The following DPP6 variants were observed in gnomAD, a reference collection of about 807,000 sequenced individuals.
DPP6 encodes the protein dipeptidyl peptidase like 6.
Under a neutral mutation model 122.6 loss-of-function variants are expected in DPP6, and 69 were observed. That is an observed-to-expected ratio of 0.56 (90% CI 0.46 to 0.69). The LOEUF is 0.69. Among genes scored for constraint, DPP6 ranks in the 30% least tolerant of loss-of-function variants. DPP6 has a pLI of 0.00. For synonymous variants in DPP6, 418 were observed against 433.1 expected (o/e 0.97, Z 0.43); for missense variants, 928 against 1,116.9 (o/e 0.83, Z 2.41).
intron 1 of DPP6, among the ~76,000 whole-genome samples, chr7:154,199,454 CTTT>C (rs1419391394): frequency 6.6e-6 from 1 of 152,102 alleles, no homozygotes; most frequent in Non-Finnish European, 1.5e-5. Context: ...GCTTAAGGGA[CTTT>C]GGGCAAACTT....
intron 1 of DPP6, among the ~76,000 whole-genome samples, chr7:154,279,645 G>T (rs538465342): frequency 3.9e-5 from 6 of 152,290 alleles, no homozygotes; most frequent in Admixed American, 3.3e-4. Context: ...TTTGATTTTT[G>T]AACCCAGTTG....
chr7:153,867,434 T>C, the DPP6 span, among the ~76,000 whole-genome samples: 71 of 152,334 alleles, frequency 4.7e-4, no homozygotes, highest in African/African-American at 1.5e-3. Context: ...AGTTCACTCA[T>C]GATTTGGCCC....
At chr7:154,387,185 G>A (rs975825357) in intron 1 of DPP6, among the ~76,000 whole-genome samples, 4 of 152,146 alleles carry the variant, frequency 2.6e-5, no homozygotes, top group Non-Finnish European at 5.9e-5. Context: ...AAATTCTGAA[G>A]TGACCTACAT....
Position 154,061,569 on chromosome 7 carries a change from G to C in DPP6, c.243+8506G>C, listed in dbSNP as rs536774839. Among the ~76,000 whole-genome samples, 961 of 146,332 alleles carry C rather than the reference G, an allele frequency of 6.6e-3. 1 individual carries two copies. The highest frequency in any genetic ancestry group is 0.023 in the African/African-American group (917 of 39,474). ...CATAAAGGCCCCCCATTTTGTGATG[G>C]CTGAGATCCATCCCCTCTTCCCCCC... On this transcript the variant is annotated intron_variant, in intron 1 of 25. Coordinates refer to ENST00000377770, the MANE Select transcript of DPP6 (RefSeq NM_130797.4).
chr7:154,394,251 TTC>T (rs1310165361), intron 1 of DPP6, among the ~76,000 whole-genome samples: 3 of 152,148 alleles, frequency 2.0e-5, no homozygotes, highest in Non-Finnish European at 4.4e-5. Flanking sequence ...CTAACTTATT[TTC>T]TGTTTGTTTG....
chr7:154,125,113 G>A (rs1807781551), intron 1 of DPP6, among the ~76,000 whole-genome samples: 2 of 152,184 alleles, frequency 1.3e-5, no homozygotes, highest in South Asian at 4.1e-4. Context: ...ACATCACTAG[G>A]AACCGTTTAC....
At chr7:154,607,830 C>A (rs1225978444) in intron 5 of DPP6, among the ~76,000 whole-genome samples, 1 of 119,244 alleles carries the variant, frequency 8.4e-6, no homozygotes, top group African/African-American at 2.7e-5. Flanking sequence ...ATTAGTAAAG[C>A]TATTAGTAGT....
At chr7:153,861,138 A>G in the DPP6 span, among the ~76,000 whole-genome samples, 3 of 152,324 alleles carry the variant, frequency 2.0e-5, no homozygotes, top group Non-Finnish European at 2.9e-5. Flanking sequence ...CTTTTGGGTT[A>G]ATTAATTTTG....
chr7:154,779,954 A>G (rs1347815027), intron 10 of DPP6, among the ~76,000 whole-genome samples: 1 of 152,186 alleles, frequency 6.6e-6, no homozygotes, highest in African/African-American at 2.4e-5. Flanking sequence ...TTACAATTTC[A>G]CAAATGTGCT....
In DPP6 at chr7:154,573,551, C is replaced by T. The variant is rs920538505; in HGVS notation, c.627+6635C>T. ...GCCCTTTTATCCCGGGATGAATTCC[C>T]GTGTCTCAATCCCAACCATCTTTCC... On this transcript the variant is annotated intron_variant, in intron 5 of 25. Transcript: ENST00000377770. Among the ~76,000 whole-genome samples, 1,021 of 152,298 alleles carry T rather than the reference C, an allele frequency of 6.7e-3. 13 individuals are homozygous for T. Among genetic ancestry groups the T allele is most frequent in the African/African-American group, 0.021 (893 of 41,566 alleles).
chr7:153,816,554 C>G, the DPP6 span, among the ~76,000 whole-genome samples: 8 of 152,170 alleles, frequency 5.3e-5, no homozygotes, highest in African/African-American at 1.9e-4. Flanking sequence ...ATTAAATCCC[C>G]TCTCTTCCTT....
chr7:154,076,244 G>T (rs1025347053), intron 1 of DPP6, among the ~76,000 whole-genome samples: 3 of 152,194 alleles, frequency 2.0e-5, no homozygotes, highest in African/African-American at 7.2e-5. Context: ...GAGGTCAGGA[G>T]TTCAAGACCA....
upstream of DPP6, among the ~76,000 whole-genome samples, chr7:154,050,124 G>A (rs1800225864): frequency 6.6e-6 from 1 of 152,078 alleles, no homozygotes; most frequent in African/African-American, 2.4e-5. Context: ...TGTGAGATTT[G>A]CTTCCCAGCA....
At chr7:154,297,680 T>C (rs1435499765) in intron 1 of DPP6, among the ~76,000 whole-genome samples, 1 of 152,222 alleles carries the variant, frequency 6.6e-6, no homozygotes, top group Non-Finnish European at 1.5e-5. Flanking sequence ...CTCTTTCTTG[T>C]AAATACAGTT....
intron 7 of DPP6, among the ~76,000 whole-genome samples, chr7:154,681,237 A>C (rs1382490893): frequency 6.6e-6 from 1 of 152,224 alleles, no homozygotes; most frequent in East Asian, 1.9e-4. Context: ...TTTCTTCCTC[A>C]TAGCTTCCTT....
intron 7 of DPP6, among the ~76,000 whole-genome samples, chr7:154,701,935 T>A (rs1418904825): frequency 1.3e-5 from 2 of 152,188 alleles, no homozygotes; most frequent in African/African-American, 2.4e-5. Context: ...ACATATTGGG[T>A]TTTTTACAAA....
chr7:154,727,732 G>C (rs1218151040), intron 7 of DPP6, 35 bp from the exon 8 acceptor site: 6 of 1,571,878 alleles, frequency 3.8e-6, no homozygotes, highest in Non-Finnish European at 5.2e-6. Flanking sequence ...CCACTTCCTT[G>C]CTTAATATTA....
chr7:154,418,911 C>A (rs1817237229), intron 1 of DPP6, among the ~76,000 whole-genome samples: 1 of 152,202 alleles, frequency 6.6e-6, no homozygotes, highest in African/African-American at 2.4e-5. Flanking sequence ...CCAACCAGGG[C>A]AAGGCTGTGC....
intron 1 of DPP6, among the ~76,000 whole-genome samples, chr7:154,005,621 A>G (rs1164635272): frequency 6.7e-6 from 1 of 150,242 alleles, no homozygotes; most frequent in Non-Finnish European, 1.5e-5. Flanking sequence ...GAGCTGGCCC[A>G]GAGGCAGGTG....
Sources: gnomAD v4.1 joint callset for allele counts (sites outside exome capture counted in the v4.1 genomes callset) on GRCh38, gnomAD v4.1.1 for gene constraint, MANE v1.5 for transcripts, NCBI Gene and HGNC (gene_info 2026-07-23, HGNC 2026-07-21) for gene names.